TCF7L1: variants seen among roughly 807,000 people sequenced by gnomAD.
The protein encoded by TCF7L1 is transcription factor 7-like 1.
A neutral mutation model predicts 63.7 loss-of-function variants in TCF7L1; 18 were observed. That is an observed-to-expected ratio of 0.28 (90% CI 0.20 to 0.42). The LOEUF is 0.42. TCF7L1 is among the 10% of genes least tolerant of loss of function. TCF7L1 has a pLI of 1.00. For missense variants in TCF7L1, 654 were observed against 779.3 expected (o/e 0.84, Z 1.91); for synonymous variants, 355 against 340.9 (o/e 1.04, Z -0.46).
chr2:85,157,065 A>G (rs901001045), intron 3 of TCF7L1, among the ~76,000 whole-genome samples: 2 of 152,218 alleles, frequency 1.3e-5, no homozygotes, highest in East Asian at 1.9e-4. Context: ...CCTGGTGTAC[A>G]TATACACATA....
At chr2:85,218,114 A>G (rs1387925968) in intron 3 of TCF7L1, among the ~76,000 whole-genome samples, 2 of 152,098 alleles carry the variant, frequency 1.3e-5, no homozygotes, top group African/African-American at 4.8e-5. Context: ...TATGTCTTAT[A>G]TCCCTTAAGA....
In TCF7L1 at chr2:85,134,371, G is replaced by A; in HGVS notation, c.362G>A (p.Gly121Glu). The A allele has an allele frequency of 6.3e-7, 1 of 1,580,924 alleles. No homozygotes were observed. The highest frequency in any genetic ancestry group is 8.6e-7 in the Non-Finnish European group (1 of 1,162,720). The change falls in exon 3 of 12, where the codon GGG becomes GAG. Residue 121 changes from glycine to glutamate, a missense_variant. This residue lies in a region of TCF7L1 where 404 missense variants were observed against 454.8 expected (regional missense o/e 0.89). Transcript: ENST00000282111. The surrounding 1 kb of genome is among the most constrained non-coding windows in gnomAD (Gnocchi z 5.0). ...TTCTTTAAAGGACCCCCGTACCCTG[G>A]GTACCCCTTCCTGATGATCCCGGAC... ...SAFFKGPPYP[G>E]YPFLMIPDLS...
chr2:85,282,359 A>C (rs1394974861), intron 3 of TCF7L1, among the ~76,000 whole-genome samples: 1 of 152,220 alleles, frequency 6.6e-6, no homozygotes, highest in Admixed American at 6.5e-5. Context: ...AAGGAGTCTC[A>C]AGAATTCTGC....
intron 3 of TCF7L1, among the ~76,000 whole-genome samples, chr2:85,242,649 A>G (rs1380893655): frequency 6.6e-6 from 1 of 152,190 alleles, no homozygotes; most frequent in Non-Finnish European, 1.5e-5. Flanking sequence ...GCAAATGTTG[A>G]GGCCAGCCTT....
chr2:85,168,749 G>A (rs1037291417), intron 3 of TCF7L1, among the ~76,000 whole-genome samples: 6 of 152,026 alleles, frequency 3.9e-5, no homozygotes, highest in African/African-American at 1.2e-4. Context: ...AGCCTTCTGC[G>A]TAGCTGGGAC....
intron 3 of TCF7L1, among the ~76,000 whole-genome samples, chr2:85,266,727 C>T (rs539843168): frequency 7.9e-5 from 12 of 152,380 alleles, no homozygotes; most frequent in Non-Finnish European, 1.6e-4. Flanking sequence ...TTCAATAATA[C>T]AAGTATTCTT....
intron 3 of TCF7L1, among the ~76,000 whole-genome samples, chr2:85,229,278 C>T (rs1412197707): frequency 6.6e-6 from 1 of 151,978 alleles, no homozygotes; most frequent in Non-Finnish European, 1.5e-5. Context: ...ACCCGGGAGG[C>T]GGAGCTTGCA....
chr2:85,257,062 G>A (rs1458856262), intron 3 of TCF7L1, among the ~76,000 whole-genome samples: 1 of 151,826 alleles, frequency 6.6e-6, no homozygotes, highest in Non-Finnish European at 1.5e-5. Context: ...AAAGTTTTAA[G>A]AATTAGCTGG....
intron 7 of TCF7L1, 97 bp from the exon 8 acceptor site, chr2:85,305,163 C>T (rs1156594785): frequency 6.5e-7 from 1 of 1,533,104 alleles, no homozygotes; most frequent in South Asian, 1.1e-5. Context: ...ACGGACATGC[C>T]TGTGCCCTTA....
At chr2:85,170,242 C>T (rs1678516650) in intron 3 of TCF7L1, among the ~76,000 whole-genome samples, 1 of 152,118 alleles carries the variant, frequency 6.6e-6, no homozygotes, top group African/African-American at 2.4e-5. Context: ...GGGGCAGAGA[C>T]TGTATCTTCC....
chr2:85,165,561 C>T (rs1315549645), intron 3 of TCF7L1, among the ~76,000 whole-genome samples: 2 of 152,080 alleles, frequency 1.3e-5, no homozygotes, highest in African/African-American at 2.4e-5. Context: ...TTCCAGTGCC[C>T]GAGTGGCGTG....
intron 3 of TCF7L1, among the ~76,000 whole-genome samples, chr2:85,223,174 T>C (rs140189456): frequency 6.6e-6 from 1 of 152,216 alleles, no homozygotes; most frequent in African/African-American, 2.4e-5. Flanking sequence ...TTCAAACTCC[T>C]GGGCCCAAGC....
At chr2:85,160,775 T>C (rs930583144) in intron 3 of TCF7L1, among the ~76,000 whole-genome samples, 8 of 152,064 alleles carry the variant, frequency 5.3e-5, no homozygotes, top group African/African-American at 7.2e-5. Context: ...TCACTTTAGC[T>C]TGGGAAGCAG....
Position 85,302,615 on chromosome 2 carries a change from AG to A in TCF7L1, c.658+1del. The A allele has an allele frequency of 6.2e-7, 1 of 1,611,290 alleles. No homozygotes were observed. The highest frequency in any genetic ancestry group is 8.5e-7 in the Non-Finnish European group (1 of 1,178,668). On this transcript the variant is annotated frameshift_variant and splice_region_variant, in exon 5 of 12. Coordinates refer to ENST00000282111, the MANE Select transcript of TCF7L1 (RefSeq NM_031283.3). LOFTEE classifies it high-confidence loss of function. ...HLSPEIDPKT[G>X]IPRPPHPSEL... ...TCTCCCCAGAGATCGATCCAAAGAC[AG>A]GTAAGTCGTCTGCCACTCAGGCAGT...
chr2:85,260,242 G>A (rs1680828651), intron 3 of TCF7L1, among the ~76,000 whole-genome samples: 1 of 152,208 alleles, frequency 6.6e-6, no homozygotes, highest in African/African-American at 2.4e-5. Flanking sequence ...GCTTCTGGGT[G>A]CCCTTCTCTA....
At chr2:85,289,086 T>TA (rs1472816415) in intron 4 of TCF7L1, among the ~76,000 whole-genome samples, 1 of 152,208 alleles carries the variant, frequency 6.6e-6, no homozygotes, top group African/African-American at 2.4e-5. Context: ...TTTTTAATTT[T>TA]AAAAAATCTT....
intron 3 of TCF7L1, among the ~76,000 whole-genome samples, chr2:85,148,861 C>A (rs554792031): frequency 6.7e-6 from 1 of 148,846 alleles, no homozygotes; most frequent in African/African-American, 2.5e-5. Flanking sequence ...GCAACCTCTG[C>A]CCCCCCAGGT....
intron 3 of TCF7L1, among the ~76,000 whole-genome samples, chr2:85,192,166 C>G (rs1250574839): frequency 6.6e-6 from 1 of 152,192 alleles, no homozygotes; most frequent in Non-Finnish European, 1.5e-5. Flanking sequence ...TCCTTCTACC[C>G]TATTTCACCC....
chr2:85,277,086 G>A (rs147948866), intron 3 of TCF7L1, among the ~76,000 whole-genome samples: 9 of 152,216 alleles, frequency 5.9e-5, no homozygotes, highest in African/African-American at 2.2e-4. Flanking sequence ...GAGGGTGGAA[G>A]CCAGAAGGAT....
Sources: gnomAD v4.1 joint callset for allele counts (sites outside exome capture counted in the v4.1 genomes callset) on GRCh38, gnomAD v4.1.1 for gene constraint, gnomAD v4.1.1 regional missense constraint, Gnocchi (gnomAD v3.1) non-coding constraint, MANE v1.5 for transcripts, NCBI Gene and HGNC (gene_info 2026-07-23, HGNC 2026-07-21) for gene names.